CTNNA3: variants seen among roughly 807,000 people sequenced by gnomAD.
CTNNA3 encodes catenin alpha 3.
A neutral mutation model predicts 95.7 loss-of-function variants in CTNNA3; 76 were observed. The observed-to-expected ratio is 0.79, with a 90% confidence interval of 0.66 to 0.96. The LOEUF (loss-of-function observed/expected upper bound fraction) is 0.96. Among genes scored for constraint, CTNNA3 ranks in the 40% least tolerant of loss-of-function variants. CTNNA3 has a pLI of 0.00. For missense variants in CTNNA3, 1,191 were observed against 1,089.8 expected, an observed-to-expected ratio of 1.09 and a Z score of -1.31; for synonymous variants, 431 against 374.4, an observed-to-expected ratio of 1.15 and a Z score of -1.74.
chr10:66,090,777 C>T (rs2081183717), intron 14 of CTNNA3, among the ~76,000 whole-genome samples: 1 of 151,986 alleles, frequency 6.6e-6, no homozygotes, highest in South Asian at 2.1e-4. Context: ...TTCATATTTA[C>T]ATGGGATTTT....
chr10:66,475,253 T>C (rs1839281676), intron 11 of CTNNA3, among the ~76,000 whole-genome samples: 1 of 152,032 alleles, frequency 6.6e-6, no homozygotes, highest in Non-Finnish European at 1.5e-5. Flanking sequence ...TTTTACCATA[T>C]ACAAAATCAG....
chr10:67,282,959 T>C (rs1278441403), intron 5 of CTNNA3, among the ~76,000 whole-genome samples: 9 of 152,124 alleles, frequency 5.9e-5, no homozygotes, highest in Non-Finnish European at 1.2e-4. Context: ...CTTAGAAACC[T>C]AAAAATAGTC....
chr10:67,178,334 A>G (rs1467397471), intron 7 of CTNNA3, among the ~76,000 whole-genome samples: 4 of 152,166 alleles, frequency 2.6e-5, no homozygotes, highest in Non-Finnish European at 5.9e-5. Flanking sequence ...CGTGACCTAT[A>G]TGTCACGAGA....
At chr10:66,985,495 T>G (rs1850678325) in intron 7 of CTNNA3, among the ~76,000 whole-genome samples, 1 of 152,016 alleles carries the variant, frequency 6.6e-6, no homozygotes, top group Non-Finnish European at 1.5e-5. Flanking sequence ...TACCCAGCCC[T>G]CCTCCTCCCC....
intron 3 of CTNNA3, among the ~76,000 whole-genome samples, chr10:67,542,652 C>T (rs1840716691): frequency 6.6e-6 from 1 of 152,060 alleles, no homozygotes; most frequent in East Asian, 1.9e-4. Flanking sequence ...AACACTGATA[C>T]AGGTTTCTGG....
intron 5 of CTNNA3, among the ~76,000 whole-genome samples, chr10:67,222,606 T>C (rs1564987712): frequency 1.3e-5 from 2 of 152,218 alleles, no homozygotes; most frequent in South Asian, 2.1e-4. Flanking sequence ...CCCACAACGT[T>C]GTACAAGCTC....
chr10:67,282,401 G>T (rs770095134), intron 5 of CTNNA3, among the ~76,000 whole-genome samples: 1 of 152,102 alleles, frequency 6.6e-6, no homozygotes, highest in African/African-American at 2.4e-5. Flanking sequence ...AGGATGCAGA[G>T]AATGCAATTC....
intron 7 of CTNNA3, among the ~76,000 whole-genome samples, chr10:67,127,249 G>A (rs1859761750): frequency 6.6e-6 from 1 of 152,068 alleles, no homozygotes; most frequent in Non-Finnish European, 1.5e-5. Flanking sequence ...TTTATAAGTG[G>A]AGAGATACTG....
chr10:66,794,186 C>T (rs924795919), intron 7 of CTNNA3, among the ~76,000 whole-genome samples: 3 of 152,068 alleles, frequency 2.0e-5, no homozygotes, highest in Admixed American at 6.6e-5. Flanking sequence ...CCCCACAAAA[C>T]TCGAGTAAGA....
intron 12 of CTNNA3, among the ~76,000 whole-genome samples, chr10:66,342,847 G>A (rs555208791): frequency 1.5e-4 from 23 of 151,818 alleles, no homozygotes; most frequent in South Asian, 4.2e-4. Flanking sequence ...TATCTTTGTC[G>A]TATTATTTGT....
At chr10:67,055,041 G>T (rs1297881093) in intron 7 of CTNNA3, 1 of 151,798 alleles carries the variant, frequency 6.6e-6, no homozygotes, top group East Asian at 1.9e-4. Flanking sequence ...CATTAACCAG[G>T]ACATTGCAGT....
intron 11 of CTNNA3, among the ~76,000 whole-genome samples, chr10:66,413,933 A>G (rs1470214778): frequency 6.6e-6 from 1 of 152,210 alleles, no homozygotes; most frequent in East Asian, 1.9e-4. Context: ...AGATACAGAA[A>G]AGAATATAGG....
intron 11 of CTNNA3, among the ~76,000 whole-genome samples, chr10:66,473,578 C>A (rs1183388750): frequency 6.6e-6 from 1 of 151,848 alleles, no homozygotes; most frequent in Non-Finnish European, 1.5e-5. Context: ...AGGTTTGTTA[C>A]ACATGTATAC....
At chr10:66,572,228 C>CTGGGGAGG (rs1564541104) in intron 10 of CTNNA3, among the ~76,000 whole-genome samples, 15 of 151,570 alleles carry the variant, frequency 9.9e-5, no homozygotes, top group African/African-American at 3.4e-4. Context: ...ACTAAAAATA[C>CTGGGGAGG]AAAAAATAGC....
chr10:66,647,703 T>C (rs991936624), intron 9 of CTNNA3, among the ~76,000 whole-genome samples: 6 of 150,614 alleles, frequency 4.0e-5, no homozygotes, highest in Non-Finnish European at 7.4e-5. Flanking sequence ...GTATTTTTAG[T>C]AGAGAGGGCA....
rs116237115 is a variant in CTNNA3, at chr10:66,897,020, A to C, written c.1048-121496T>G. ...GAAGCTGTGGTGTATTAATCTTAGTATCCAAGAACATCACCCCTACTTTTA... is the reference window on the plus strand; with the variant it reads ...GAAGCTGTGGTGTATTAATCTTAGTCTCCAAGAACATCACCCCTACTTTTA... On this transcript the variant is annotated intron_variant, in intron 7 of 17. Transcript: ENST00000433211. Among the ~76,000 whole-genome samples, 140 of 152,308 alleles carry C rather than the reference A, an allele frequency of 9.2e-4. 1 individual carries two copies. Among genetic ancestry groups the C allele is most frequent in the African/African-American group, 2.9e-3 (119 of 41,578 alleles).
chr10:66,460,776 T>G (rs1231550219), intron 11 of CTNNA3, among the ~76,000 whole-genome samples: 1 of 152,186 alleles, frequency 6.6e-6, no homozygotes, highest in Non-Finnish European at 1.5e-5. Context: ...AAAACTATTC[T>G]GAAATCAAAT....
chr10:67,379,712 T>C, intron 5 of CTNNA3, among the ~76,000 whole-genome samples: 1 of 152,024 alleles, frequency 6.6e-6, no homozygotes, highest in East Asian at 1.9e-4. Flanking sequence ...TCCTAAACCA[T>C]GAGTAGAGCA....
At chr10:67,063,936 G>A (rs1260107616) in intron 7 of CTNNA3, among the ~76,000 whole-genome samples, 2 of 152,120 alleles carry the variant, frequency 1.3e-5, no homozygotes, top group African/African-American at 4.8e-5. Flanking sequence ...TTTACCTTCT[G>A]CACACACACT....
Sources: allele counts gnomAD v4.1 joint callset (sites outside exome capture counted in the v4.1 genomes callset), GRCh38; gene constraint gnomAD v4.1.1; transcripts MANE v1.5; gene names NCBI Gene and HGNC (gene_info 2026-07-23, HGNC 2026-07-21).